Variants in MCPH1 observed in about 807,000 individuals in gnomAD.
The protein encoded by MCPH1 is microcephalin 1, also known as microcephalin.
In MCPH1, 104 loss-of-function variants were observed where a neutral mutation model predicts 84.5. The observed-to-expected ratio is 1.23, with a 90% confidence interval of 1.05 to 1.45. MCPH1 has a LOEUF of 1.45. Ranked by LOEUF, MCPH1 falls within the 40% of genes most tolerant of loss-of-function variation. MCPH1 has a pLI of 0.00. For synonymous variants in MCPH1, 514 were observed against 366.8 expected (o/e 1.40, Z -4.58); for missense variants, 1,498 against 1,005.7 (o/e 1.49, Z -6.62).
chr8:6,456,449 G>C (rs1255152986), intron 9 of MCPH1, among the ~76,000 whole-genome samples: 2 of 152,174 alleles, frequency 1.3e-5, no homozygotes, highest in Non-Finnish European at 2.9e-5. Context: ...ATGGCCGCTT[G>C]ACCTAGTTCA....
chr8:6,595,319 C>G (rs1828835608), intron 12 of MCPH1, among the ~76,000 whole-genome samples: 1 of 152,116 alleles, frequency 6.6e-6, no homozygotes, highest in Non-Finnish European at 1.5e-5. Flanking sequence ...ACTGTAGGAG[C>G]AAACAAGGGA....
chr8:6,552,194 C>T (rs1563113833), intron 12 of MCPH1, among the ~76,000 whole-genome samples: 1 of 152,230 alleles, frequency 6.6e-6, no homozygotes, highest in Non-Finnish European at 1.5e-5. Context: ...TCTTGTAATA[C>T]TCATTTAGTT....
intron 10 of MCPH1, among the ~76,000 whole-genome samples, chr8:6,479,300 T>G (rs1330421545): frequency 2.0e-5 from 3 of 151,692 alleles, no homozygotes; most frequent in African/African-American, 4.8e-5. Flanking sequence ...AACACCATCA[T>G]TTGGAAGGAA....
intron 12 of MCPH1, chr8:6,615,787 G>A (rs1830727088): frequency 6.6e-6 from 1 of 152,202 alleles, no homozygotes; most frequent in African/African-American, 2.4e-5. Flanking sequence ...GGGGGACAGA[G>A]AACAGGCTTG....
At chr8:6,598,401 A>G (rs1829089630) in intron 12 of MCPH1, among the ~76,000 whole-genome samples, 1 of 152,094 alleles carries the variant, frequency 6.6e-6, no homozygotes, top group African/African-American at 2.4e-5. Flanking sequence ...AGAGCCGGCG[A>G]CCGGCCAGAG....
intron 12 of MCPH1, among the ~76,000 whole-genome samples, chr8:6,577,621 A>C (rs762550585): frequency 5.9e-5 from 9 of 152,262 alleles, no homozygotes; most frequent in Non-Finnish European, 1.0e-4. Context: ...CATGAAGCTA[A>C]ATCTTTGTTC....
intron 12 of MCPH1, among the ~76,000 whole-genome samples, chr8:6,503,852 G>C (rs574924989): frequency 6.6e-6 from 1 of 152,184 alleles, no homozygotes; most frequent in Non-Finnish European, 1.5e-5. Context: ...CTGTGGGAGT[G>C]AAGCCCCATC....
chr8:6,627,461 C>A (rs2448611), intron 13 of MCPH1, among the ~76,000 whole-genome samples: 30,357 of 152,198 alleles, frequency 0.2, 3,910 homozygotes, highest in East Asian at 0.61. Context: ...TTCAAAGACA[C>A]AATTCAGACA....
At chr8:6,522,797 A>T (rs1403324329) in intron 12 of MCPH1, among the ~76,000 whole-genome samples, 1 of 151,844 alleles carries the variant, frequency 6.6e-6, no homozygotes, top group Admixed American at 6.6e-5. Context: ...AAAAGAAAAG[A>T]AATGTAGGAA....
At chr8:6,579,428 A>C (rs1044656083) in intron 12 of MCPH1, among the ~76,000 whole-genome samples, 26 of 152,176 alleles carry the variant, frequency 1.7e-4, no homozygotes, top group African/African-American at 6.0e-4. Context: ...ACCAGAAACT[A>C]TATGTCCTTG....
chr8:6,516,561 T>G (rs1002004107), intron 12 of MCPH1, among the ~76,000 whole-genome samples: 1 of 152,244 alleles, frequency 6.6e-6, no homozygotes, highest in African/African-American at 2.4e-5. Flanking sequence ...ATACTGCCTC[T>G]TATTTGCCTG....
At chr8:6,631,377 C>G (rs1050585085) in intron 13 of MCPH1, among the ~76,000 whole-genome samples, 6 of 151,982 alleles carry the variant, frequency 3.9e-5, no homozygotes, top group African/African-American at 1.4e-4. Flanking sequence ...ATACAGTCAA[C>G]AGAGTGAAAA....
At chr8:6,555,517 T>C (rs2515503) in intron 12 of MCPH1, among the ~76,000 whole-genome samples, 150,443 of 151,292 alleles carry the variant, frequency 0.99, 74,805 homozygotes, top group Middle Eastern at 1. Flanking sequence ...GCTGGAGTAC[T>C]ATGGTGCCAT....
intron 12 of MCPH1, among the ~76,000 whole-genome samples, chr8:6,526,551 T>C (rs1175809933): frequency 1.3e-5 from 2 of 152,194 alleles, no homozygotes; most frequent in Admixed American, 6.5e-5. Flanking sequence ...AAGAAAAATA[T>C]TTGAATTTTA....
At chr8:6,555,137 A>G (rs982414695) in intron 12 of MCPH1, among the ~76,000 whole-genome samples, 39 of 152,280 alleles carry the variant, frequency 2.6e-4, no homozygotes, top group African/African-American at 9.1e-4. Flanking sequence ...ATTTACATCA[A>G]ATCATTCAAC....
chr8:6,618,790 T>A (rs1331101820), intron 12 of MCPH1: 1 of 152,216 alleles, frequency 6.6e-6, no homozygotes, highest in Non-Finnish European at 1.5e-5. Flanking sequence ...GGGTCTTTTT[T>A]TCTGACATGA....
chr8:6,471,443 G>A (rs1011601925), intron 9 of MCPH1, among the ~76,000 whole-genome samples: 1 of 152,146 alleles, frequency 6.6e-6, no homozygotes, highest in Admixed American at 6.5e-5. Flanking sequence ...GGATCAGGCA[G>A]GGATAATAAG....
At position 6,513,593 on chromosome 8, in the gene MCPH1, A is replaced by T. The variant is rs13278243; in HGVS notation, c.2214+13664A>T. ...CGTGATCTGCCCACCTCGGCCTCCCAAAGTGCTGGGATTACAGGCGTGAGC... is the reference window on the plus strand; with the variant it reads ...CGTGATCTGCCCACCTCGGCCTCCCTAAGTGCTGGGATTACAGGCGTGAGC... On this transcript the variant is annotated intron_variant, in intron 12 of 13. Coordinates refer to ENST00000344683, the MANE Select transcript of MCPH1 (RefSeq NM_024596.5). 1.3e-4 allele frequency: 155 copies of T among 1,158,780 alleles called. 1 individual carries two copies. The highest frequency in any genetic ancestry group is 1.8e-4 in the Non-Finnish European group (148 of 840,140). The allele number at this position is 1,158,780 out of a possible 1,614,324, so 71.8% of individuals were successfully genotyped here. A position where few individuals can be genotyped will look rare whatever the true frequency, so the allele number is the denominator to read the frequency against.
intron 12 of MCPH1, among the ~76,000 whole-genome samples, chr8:6,512,082 C>T (rs957926053): frequency 3.3e-5 from 5 of 152,126 alleles, no homozygotes; most frequent in Admixed American, 2.0e-4. Flanking sequence ...TCATTCATCT[C>T]GGTTGTTGCC....
Sources: gnomAD v4.1 joint callset for allele counts (sites outside exome capture counted in the v4.1 genomes callset) on GRCh38, gnomAD v4.1.1 for gene constraint, MANE v1.5 for transcripts, NCBI Gene and HGNC (gene_info 2026-07-23, HGNC 2026-07-21) for gene names.